Variants in FMO2 observed in about 807,000 individuals in gnomAD.
FMO2 encodes flavin containing dimethylaniline monoxygenase 2, also known as flavin-containing monooxygenase 2.
Under a neutral mutation model 41.6 loss-of-function variants are expected in FMO2, and 33 were observed. The ratio of observed to expected loss-of-function variants is 0.79; its 90% CI spans 0.60 to 1.06. The LOEUF is 1.06. FMO2 is among the 50% of genes least tolerant of loss of function. The pLI, the probability that FMO2 is intolerant of heterozygous loss-of-function variation, is 0.00. For missense variants in FMO2, 619 were observed against 632.9 expected, an observed-to-expected ratio of 0.98 and a Z score of 0.23; for synonymous variants, 214 against 219.6, an observed-to-expected ratio of 0.97 and a Z score of 0.23.
At chr1:171,195,040 C>G (rs2223229) in intron 3 of FMO2, among the ~76,000 whole-genome samples, 2 of 152,236 alleles carry the variant, frequency 1.3e-5, no homozygotes, top group African/African-American at 4.8e-5. Context: ...TAACAAATAT[C>G]TCGCCTTTTT....
intron 2 of FMO2, among the ~76,000 whole-genome samples, chr1:171,191,813 C>G (rs1658091677): frequency 1.4e-5 from 2 of 139,250 alleles, no homozygotes; most frequent in African/African-American, 5.6e-5. Flanking sequence ...TGCTTGAGCT[C>G]AGGAGTTTTA....
intron 3 of FMO2, 32 bp from the exon 4 acceptor site, chr1:171,196,617 T>C (rs772322009): frequency 6.2e-7 from 1 of 1,604,762 alleles, no homozygotes; most frequent in Non-Finnish European, 8.5e-7. Flanking sequence ...CTGGAGTAAT[T>C]CTCAATGATG....
intron 2 of FMO2, chr1:171,186,503 A>G (rs962696088): frequency 2.6e-5 from 4 of 152,308 alleles, no homozygotes; most frequent in African/African-American, 9.7e-5. Context: ...AAAATTTACA[A>G]TCATGGCAGT....
intron 4 of FMO2, among the ~76,000 whole-genome samples, chr1:171,197,637 G>T (rs1002367957): frequency 3.3e-5 from 5 of 152,162 alleles, no homozygotes; most frequent in Admixed American, 2.6e-4. Flanking sequence ...ATCCCCAATG[G>T]GGCAGTATGA....
At chr1:171,194,570 C>G (rs950856743) in intron 3 of FMO2, among the ~76,000 whole-genome samples, 5 of 152,098 alleles carry the variant, frequency 3.3e-5, no homozygotes, top group African/African-American at 1.2e-4. Flanking sequence ...CCAACCTGGG[C>G]AATACAGTGA....
At chr1:171,185,616 C>T in intron 1 of FMO2, 92 bp from the exon 2 acceptor site, 1 of 1,272,264 alleles carries the variant, frequency 7.9e-7, no homozygotes, top group Non-Finnish European at 1.1e-6. Flanking sequence ...ACCACTGCTA[C>T]AATGTTTAAA....
chr1:171,203,998 G>A lies in FMO2; in HGVS notation c.761G>A (p.Trp254Ter). The change falls in exon 6 of 9, where the codon TGG becomes TAG. Residue 254 changes from tryptophan to a stop codon, truncating the protein, a stop_gained. Transcript: ENST00000209929. LOFTEE classifies it high-confidence loss of function. ...RNVLPRTAVK[W>*]MIEQQMNRWF... is the part of the protein sequence containing the mutation. Reference sequence around the variant, plus strand: ...GTACTGCCACGAACAGCTGTAAAATGGATGATAGAACAACAGATGAATCGG... The same window carrying A: ...GTACTGCCACGAACAGCTGTAAAATAGATGATAGAACAACAGATGAATCGG... The A allele has an allele frequency of 6.2e-7, 1 of 1,613,748 alleles. No homozygotes were observed. Among genetic ancestry groups the A allele is most frequent in the East Asian group, 2.2e-5 (1 of 44,856 alleles).
At chr1:171,199,604 G>T (rs917458671) in intron 5 of FMO2, 116 bp downstream of exon 5, 4 of 915,814 alleles carry the variant, frequency 4.4e-6, no homozygotes, top group African/African-American at 3.4e-5. Context: ...GGTTGGTAGC[G>T]CATTGTGGCA....
rs1305592160 is a variant in FMO2 at position 171,207,780 on chromosome 1, AG to A, written c.1247del (p.Arg416LysfsTer26). 6.3e-7 allele frequency: 1 copy of A among 1,597,670 alleles called. No homozygotes were observed. Among genetic ancestry groups the A allele is most frequent in the Non-Finnish European group, 8.6e-7 (1 of 1,165,922 alleles). On this transcript the variant is annotated frameshift_variant, in exon 8 of 9. Coordinates refer to ENST00000209929, the MANE Select transcript of FMO2 (RefSeq NM_001460.5). LOFTEE classifies it low-confidence loss of function (END_TRUNC). ...GGACATTATCAAAAGGAATGAAAAAAGAATTGACCTGTAAGAATTTTTTTTA... is the reference window on the plus strand; with the variant it reads ...GGACATTATCAAAAGGAATGAAAAAAAATTGACCTGTAAGAATTTTTTTTA... Reference protein sequence around the residue: ...MMDIIKRNEKRIDLFGESQSQ... With the variant: ...MMDIIKRNEKXIDLFGESQSQ...
Position 171,185,725 on chromosome 1 carries a change from G to T in FMO2, c.12G>T (p.Lys4Asn), listed in dbSNP as rs1422597240. The T allele has an allele frequency of 6.2e-7, 1 of 1,613,706 alleles. No individual in the cohort carries two copies. The highest frequency in any genetic ancestry group is 8.5e-7 in the Non-Finnish European group (1 of 1,179,782). MAK[K>N]VAVIGAGVSG... ...CTTGACAGGAGCTGATGGCAAAGAA[G>T]GTAGCTGTGATTGGAGCTGGGGTCA... The change falls in exon 2 of 9, where the codon AAG (lysine) becomes AAT (asparagine). Residue 4 changes from lysine to asparagine, a missense_variant. Coordinates refer to ENST00000209929, the MANE Select transcript of FMO2 (RefSeq NM_001460.5).
Position 171,209,171 on chromosome 1 carries a change from A to T in FMO2, c.*26A>T. 2.3e-6 allele frequency: 1 copy of T among 431,996 alleles called. No individual in the cohort carries two copies. 26.8% of individuals were successfully genotyped at this position (431,996 alleles called of 1,614,324 possible). A position where few individuals can be genotyped will look rare whatever the true frequency, so the allele number is the denominator to read the frequency against. ...TCAGCATAATGCTTTGGGCTTTATTATCTTGTCAGTCACTACCTCCTAAAG... is the reference window on the plus strand; with the variant it reads ...TCAGCATAATGCTTTGGGCTTTATTTTCTTGTCAGTCACTACCTCCTAAAG... On this transcript the variant is annotated 3_prime_UTR_variant, in exon 9 of 9. Transcript: ENST00000209929.
intron 2 of FMO2, among the ~76,000 whole-genome samples, chr1:171,191,148 A>G (rs1571272955): frequency 2.0e-5 from 3 of 151,122 alleles, no homozygotes. Context: ...TCTGTCTCAA[A>G]AAAAAAAAAG....
intron 2 of FMO2, among the ~76,000 whole-genome samples, chr1:171,191,590 A>G (rs1658083492): frequency 6.6e-6 from 1 of 152,148 alleles, no homozygotes; most frequent in Non-Finnish European, 1.5e-5. Context: ...AATGAGCCCC[A>G]TTTTACAGAG....
intron 3 of FMO2, among the ~76,000 whole-genome samples, chr1:171,193,767 A>G (rs1400629321): frequency 6.9e-6 from 1 of 145,396 alleles, no homozygotes; most frequent in African/African-American, 2.6e-5. Context: ...TAATATATTG[A>G]TGTCAAAACT....
intron 2 of FMO2, among the ~76,000 whole-genome samples, chr1:171,187,627 CAAAAAAAAAAAA>C (rs765479366): frequency 6.1e-5 from 5 of 82,616 alleles, no homozygotes; most frequent in Non-Finnish European, 1.0e-4. Flanking sequence ...AACCTGCCAC[CAAAAAAAAAAAA>C]AAAAAAAAAA....
intron 7 of FMO2, chr1:171,207,514 T>G: frequency 2.2e-6 from 1 of 460,462 alleles, no homozygotes; most frequent in Non-Finnish European, 3.8e-6. Flanking sequence ...CCTCTCCACT[T>G]GTAGTCCATG....
At chr1:171,193,555 G>A in intron 3 of FMO2, 32 bp downstream of exon 3, 1 of 1,369,592 alleles carries the variant, frequency 7.3e-7, no homozygotes, top group South Asian at 1.2e-5. Flanking sequence ...GGGTTTCTCT[G>A]CATTAGTTCA....
intron 2 of FMO2, among the ~76,000 whole-genome samples, chr1:171,187,772 C>T (rs193202923): frequency 5.3e-5 from 8 of 151,884 alleles, no homozygotes; most frequent in Admixed American, 5.2e-4. Context: ...TACACAAACA[C>T]CTAATTTAAA....
chr1:171,199,240 CA>C (rs5778696), intron 4 of FMO2, 105 bp from the exon 5 acceptor site: 111,266 of 1,183,218 alleles, frequency 0.094, 5,815 homozygotes, highest in African/African-American at 0.17. Context: ...AGAGGCAAAA[CA>C]AATTATTAAC....
Sources: gnomAD v4.1 joint callset for allele counts (sites outside exome capture counted in the v4.1 genomes callset) on GRCh38, gnomAD v4.1.1 for gene constraint, MANE v1.5 for transcripts, NCBI Gene and HGNC (gene_info 2026-07-23, HGNC 2026-07-21) for gene names.